RSRC1: variants seen among roughly 807,000 people sequenced by gnomAD.
RSRC1 encodes the protein arginine and serine rich coiled-coil 1.
In RSRC1, 39 loss-of-function variants were observed where a neutral mutation model predicts 49.1. That is an observed-to-expected ratio of 0.79 (90% CI 0.61 to 1.04). The LOEUF is 1.04. RSRC1 is among the 50% of genes least tolerant of loss of function. The probability of loss-of-function intolerance (pLI) is 0.00; values close to 1 mark genes in which losing one functional copy is unlikely to be tolerated. For synonymous variants in RSRC1, 143 were observed against 130.8 expected (o/e 1.09, Z -0.63); for missense variants, 388 against 402.4 (o/e 0.96, Z 0.31).
At chr3:158,467,178 T>C (rs1468938003) in intron 7 of RSRC1, among the ~76,000 whole-genome samples, 2 of 152,162 alleles carry the variant, frequency 1.3e-5, no homozygotes, top group Admixed American at 6.5e-5. Flanking sequence ...TTTTATCAAC[T>C]CAAAAAATAT....
intron 5 of RSRC1, among the ~76,000 whole-genome samples, chr3:158,345,121 A>G (rs1730475107): frequency 6.6e-6 from 1 of 151,922 alleles, no homozygotes; most frequent in Non-Finnish European, 1.5e-5. Context: ...CCAGCTACTC[A>G]GGAGGCTGAG....
intron 3 of RSRC1, among the ~76,000 whole-genome samples, chr3:158,130,720 A>G (rs1299064540): frequency 1.3e-5 from 2 of 152,168 alleles, no homozygotes; most frequent in Non-Finnish European, 1.5e-5. Context: ...TCATTCTGGC[A>G]CTCAGAAAGT....
chr3:158,220,661 T>C (rs1722180380), intron 4 of RSRC1, among the ~76,000 whole-genome samples: 1 of 151,612 alleles, frequency 6.6e-6, no homozygotes, highest in African/African-American at 2.4e-5. Flanking sequence ...CCTTCCTTTC[T>C]TTCTTTCTTT....
At chr3:158,528,543 G>A (rs1042953174) in intron 7 of RSRC1, among the ~76,000 whole-genome samples, 1 of 151,908 alleles carries the variant, frequency 6.6e-6, no homozygotes, top group Non-Finnish European at 1.5e-5. Flanking sequence ...CAGGCGAGTT[G>A]TGTGTGGTTA....
chr3:158,515,214 C>T (rs750508803), intron 7 of RSRC1, among the ~76,000 whole-genome samples: 5 of 151,850 alleles, frequency 3.3e-5, no homozygotes, highest in Non-Finnish European at 5.9e-5. Context: ...TCCTAGTTGG[C>T]ATGATTTTGC....
chr3:158,293,942 A>C (rs988876092), intron 4 of RSRC1, among the ~76,000 whole-genome samples: 1 of 151,882 alleles, frequency 6.6e-6, no homozygotes, highest in African/African-American at 2.4e-5. Context: ...TCATTCCGGA[A>C]GCTTTTTGAC....
At chr3:158,263,784 A>G (rs936425192) in intron 4 of RSRC1, among the ~76,000 whole-genome samples, 2 of 152,112 alleles carry the variant, frequency 1.3e-5, no homozygotes, top group Non-Finnish European at 2.9e-5. Flanking sequence ...TCTTTCCAGG[A>G]GTTGGTTCAT....
chr3:158,492,651 G>A (rs900536189), intron 7 of RSRC1, among the ~76,000 whole-genome samples: 1 of 152,096 alleles, frequency 6.6e-6, no homozygotes, highest in African/African-American at 2.4e-5. Flanking sequence ...CCTGACTTCT[G>A]TTCTCACTCT....
chr3:158,542,227 A>G (rs1379599096), intron 8 of RSRC1, among the ~76,000 whole-genome samples: 3 of 152,316 alleles, frequency 2.0e-5, no homozygotes, highest in Non-Finnish European at 4.4e-5. Flanking sequence ...TGCAACATGG[A>G]TGAACCTTAA....
chr3:158,309,361 AT>A (rs968444077), intron 5 of RSRC1, among the ~76,000 whole-genome samples: 5 of 151,772 alleles, frequency 3.3e-5, no homozygotes, highest in African/African-American at 1.2e-4. Context: ...TTTTAAACAT[AT>A]TTTCAAGTCC....
chr3:158,520,701 A>G (rs1711608521), intron 7 of RSRC1, among the ~76,000 whole-genome samples: 1 of 152,140 alleles, frequency 6.6e-6, no homozygotes, highest in Non-Finnish European at 1.5e-5. Context: ...GAAATGTTTC[A>G]AATTAATTGT....
intron 7 of RSRC1, among the ~76,000 whole-genome samples, chr3:158,474,065 G>A (rs778884852): frequency 1.3e-5 from 2 of 152,106 alleles, no homozygotes; most frequent in Non-Finnish European, 2.9e-5. Flanking sequence ...TAGGTCAGAA[G>A]TACCTTCCCT....
intron 6 of RSRC1, among the ~76,000 whole-genome samples, chr3:158,420,023 C>G (rs79448414): frequency 1.3e-5 from 2 of 151,810 alleles, no homozygotes; most frequent in South Asian, 2.1e-4. Context: ...TCTCTCCCCC[C>G]ACTTCCTCCT....
intron 8 of RSRC1, among the ~76,000 whole-genome samples, chr3:158,541,153 C>T (rs575732704): frequency 6.6e-6 from 1 of 151,920 alleles, no homozygotes; most frequent in African/African-American, 2.4e-5. Context: ...ACACCAAGCC[C>T]TTCTCTCTCA....
chr3:158,316,513 C>G (rs918290735), intron 5 of RSRC1, among the ~76,000 whole-genome samples: 1 of 140,238 alleles, frequency 7.1e-6, no homozygotes, highest in African/African-American at 2.6e-5. Context: ...GGCGCGATCT[C>G]GGCTCACTGC....
chr3:158,288,615 T>C (rs1726720503), intron 4 of RSRC1, among the ~76,000 whole-genome samples: 1 of 152,194 alleles, frequency 6.6e-6, no homozygotes, highest in Non-Finnish European at 1.5e-5. Context: ...CTGTGGGATA[T>C]TGATTCCAGG....
intron 6 of RSRC1, among the ~76,000 whole-genome samples, chr3:158,442,973 A>C (rs954563441): frequency 1.1e-4 from 16 of 152,100 alleles, no homozygotes; most frequent in African/African-American, 3.6e-4. Context: ...ATAATATTTT[A>C]AAAGAAATCT....
intron 4 of RSRC1, among the ~76,000 whole-genome samples, chr3:158,217,997 G>T (rs1225057177): frequency 6.6e-6 from 1 of 151,492 alleles, no homozygotes; most frequent in African/African-American, 2.4e-5. Context: ...ATCAACAAAG[G>T]CCTCTAGAAT....
At chr3:158,345,280 G>T (rs1466095603) in intron 5 of RSRC1, among the ~76,000 whole-genome samples, 1 of 151,882 alleles carries the variant, frequency 6.6e-6, no homozygotes, top group Non-Finnish European at 1.5e-5. Flanking sequence ...TTGCAATGTG[G>T]TAGATTAATA....
Sources: gnomAD v4.1 joint callset for allele counts (sites outside exome capture counted in the v4.1 genomes callset) on GRCh38, gnomAD v4.1.1 for gene constraint, MANE v1.5 for transcripts, NCBI Gene and HGNC (gene_info 2026-07-23, HGNC 2026-07-21) for gene names.